Variants in SLC13A1 observed in about 807,000 individuals in gnomAD.
SLC13A1 encodes Na(+)/sulfate cotransporter.
A neutral mutation model predicts 70.0 loss-of-function variants in SLC13A1; 65 were observed. That is an observed-to-expected ratio of 0.93 (90% CI 0.76 to 1.14). The LOEUF (loss-of-function observed/expected upper bound fraction) is 1.14. Ranked by LOEUF, SLC13A1 falls within the 50% of genes most tolerant of loss-of-function variation. The pLI is 0.00. For synonymous variants in SLC13A1, 275 were observed against 250.5 expected (o/e 1.10, Z -0.92); for missense variants, 726 against 717.8 (o/e 1.01, Z -0.13).
chr7:123,133,287 T>C (rs904163610), intron 8 of SLC13A1, among the ~76,000 whole-genome samples: 12 of 152,148 alleles, frequency 7.9e-5, no homozygotes, highest in Admixed American at 2.6e-4. Context: ...CTCAGATCTT[T>C]ATTGTACTTG....
At chr7:123,186,686 C>G (rs1000568697) in intron 1 of SLC13A1, 28 of 452,036 alleles carry the variant, frequency 6.2e-5, no homozygotes, top group African/African-American at 5.2e-4. Flanking sequence ...CTTCCTCCCC[C>G]ACAACCTACC....
intron 2 of SLC13A1, among the ~76,000 whole-genome samples, chr7:123,178,033 C>CTCTCTCTCTCTCTCTCTATATATA (rs761704605): frequency 4.1e-4 from 62 of 149,946 alleles, no homozygotes; most frequent in African/African-American, 1.3e-3. Context: ...CTCTCTCTCT[C>CTCTCTCTCTCTCTCTCTATATATA]TATATATATA....
chr7:123,139,455 T>C (rs529402227), intron 7 of SLC13A1, among the ~76,000 whole-genome samples: 59 of 152,208 alleles, frequency 3.9e-4, no homozygotes, highest in African/African-American at 1.3e-3. Flanking sequence ...CTGTGAAGAA[T>C]GTCATTGGCA....
chr7:123,118,363 C>T (rs1793252231), intron 13 of SLC13A1, among the ~76,000 whole-genome samples: 1 of 152,114 alleles, frequency 6.6e-6, no homozygotes, highest in Admixed American at 6.6e-5. Context: ...TTTCTACTTT[C>T]AATCAGCAGC....
intron 10 of SLC13A1, among the ~76,000 whole-genome samples, chr7:123,126,633 A>G (rs1793570310): frequency 6.6e-6 from 1 of 152,126 alleles, no homozygotes; most frequent in South Asian, 2.1e-4. Context: ...AGCCAAAGAA[A>G]TGCCGTATCT....
intron 12 of SLC13A1, among the ~76,000 whole-genome samples, chr7:123,122,008 C>G (rs144231742): frequency 6.6e-6 from 1 of 152,058 alleles, no homozygotes; most frequent in Non-Finnish European, 1.5e-5. Context: ...CTAGACCTCC[C>G]TCTCTGGGTT....
At chr7:123,147,977 T>A (rs1413193320) in intron 6 of SLC13A1, among the ~76,000 whole-genome samples, 1 of 152,124 alleles carries the variant, frequency 6.6e-6, no homozygotes, top group Non-Finnish European at 1.5e-5. Context: ...GGTTTCCCCA[T>A]CTACACACCT....
rs1382435925 is a variant in SLC13A1, at chr7:123,115,404, G to A, written c.*114C>T. 3 of 1,085,946 alleles carry A rather than the reference G, an allele frequency of 2.8e-6. No individual in the cohort carries two copies. The Admixed American group carries it at 6.5e-5, about 23-fold the overall frequency. The allele number at this position is 1,085,946 out of a possible 1,614,324, so 67.3% of individuals were successfully genotyped here. On this transcript the variant is annotated 3_prime_UTR_variant, in exon 15 of 15. Coordinates refer to ENST00000194130, the MANE Select transcript of SLC13A1 (RefSeq NM_022444.4). The stretch of plus-strand genomic sequence containing the variant: ...TCGGGTATTCACAGGAATTGCAGCA[G>A]CTACACCATAACTGATTTAAATGTG...
At position 123,113,660 on chromosome 7, in the gene SLC13A1, A is replaced by G. The variant is rs976613642; in HGVS notation, c.*1858T>C. On this transcript the variant is annotated 3_prime_UTR_variant, in exon 15 of 15. Transcript: ENST00000194130. ...AATAAATACTACAGATTATAAATAC[A>G]TGTGTAAAATATGGTAGGGAAAGGA... 4 of 152,208 alleles carry G rather than the reference A, an allele frequency of 2.6e-5. No individual in the cohort carries two copies. The highest frequency in any genetic ancestry group is 9.6e-5 in the African/African-American group (4 of 41,464). 9.4% of individuals were successfully genotyped at this position (152,208 alleles called of 1,614,324 possible).
chr7:123,136,603 T>C (rs1793956343), intron 7 of SLC13A1, among the ~76,000 whole-genome samples: 1 of 152,168 alleles, frequency 6.6e-6, no homozygotes, highest in Non-Finnish European at 1.5e-5. Flanking sequence ...TAACACTGTT[T>C]GGTATCTACC....
At chr7:123,127,874 G>T (rs1793614557) in intron 10 of SLC13A1, among the ~76,000 whole-genome samples, 1 of 139,576 alleles carries the variant, frequency 7.2e-6, no homozygotes. Flanking sequence ...TTTGCTGGGG[G>T]ATTTGAGACA....
intron 1 of SLC13A1, among the ~76,000 whole-genome samples, chr7:123,188,643 T>A (rs1795896030): frequency 6.6e-6 from 1 of 152,162 alleles, no homozygotes; most frequent in Admixed American, 6.5e-5. Flanking sequence ...TTTGTGGAGT[T>A]ATTTTTAGAT....
Position 123,120,993 on chromosome 7 carries a change from C to T in SLC13A1, c.1351-1751G>A, listed in dbSNP as rs950204318. ...CAGTCCAGAATCTCAAAGTCTCTAG[C>T]TCTAAGAAATTTCTTGTGTTATTTT... is the stretch of plus-strand genomic sequence containing the variant. On this transcript the variant is annotated intron_variant, in intron 12 of 14. Coordinates refer to ENST00000194130, the MANE Select transcript of SLC13A1 (RefSeq NM_022444.4). 4.6e-5 allele frequency among the ~76,000 whole-genome samples: 7 copies of T among 152,128 alleles called. No individual in the cohort carries two copies. The East Asian group carries it at 1.2e-3, about 25-fold the overall frequency.
At chr7:123,144,661 G>A (rs550060168) in intron 7 of SLC13A1, among the ~76,000 whole-genome samples, 15 of 152,174 alleles carry the variant, frequency 9.9e-5, no homozygotes, top group Non-Finnish European at 1.9e-4. Flanking sequence ...CAAACTTTAT[G>A]TTTTCTTGGC....
chr7:123,126,456 A>C (rs1001555069), intron 10 of SLC13A1, among the ~76,000 whole-genome samples: 1 of 152,182 alleles, frequency 6.6e-6, no homozygotes, highest in Admixed American at 6.6e-5. Flanking sequence ...ATAGGCATTA[A>C]TAATTAGCAT....
chr7:123,178,391 T>C (rs115810581), intron 2 of SLC13A1, among the ~76,000 whole-genome samples: 1,649 of 152,200 alleles, frequency 0.011, 39 homozygotes, highest in African/African-American at 0.037. Context: ...TTCAAAGATG[T>C]TGCAGTGGGC....
intron 3 of SLC13A1, 71 bp from the exon 4 acceptor site, chr7:123,169,406 G>T: frequency 7.5e-7 from 1 of 1,341,986 alleles, no homozygotes. Flanking sequence ...TTAACTGGAA[G>T]ATGTTTAAGA....
intron 12 of SLC13A1, among the ~76,000 whole-genome samples, chr7:123,119,949 C>T (rs1014267339): frequency 7.9e-5 from 12 of 152,016 alleles, no homozygotes; most frequent in Admixed American, 6.6e-4. Flanking sequence ...GAATAACTAT[C>T]TCATTATTTT....
intron 1 of SLC13A1, among the ~76,000 whole-genome samples, chr7:123,192,244 T>C (rs1796019460): frequency 6.6e-6 from 1 of 152,196 alleles, no homozygotes; most frequent in South Asian, 2.1e-4. Flanking sequence ...AAAAATATCA[T>C]AGTCATATCT....
Sources: allele counts gnomAD v4.1 joint callset (sites outside exome capture counted in the v4.1 genomes callset), GRCh38; gene constraint gnomAD v4.1.1; transcripts MANE v1.5; gene names NCBI Gene and HGNC (gene_info 2026-07-23, HGNC 2026-07-21).